Variants in RAPGEF4 observed in about 807,000 individuals in gnomAD.
RAPGEF4 encodes the protein RAP guanine-nucleotide-exchange factor (GEF) 4.
In RAPGEF4, 66 loss-of-function variants were observed where a neutral mutation model predicts 147.9. That is an observed-to-expected ratio of 0.45 (90% CI 0.37 to 0.55). The LOEUF (loss-of-function observed/expected upper bound fraction) is 0.55. Ranked by LOEUF, RAPGEF4 falls within the 20% of genes least tolerant of loss-of-function variation. RAPGEF4 has a pLI of 0.00. For missense variants in RAPGEF4, 1,071 were observed against 1,257.3 expected (o/e 0.85, Z 2.24); for synonymous variants, 419 against 442.7 (o/e 0.95, Z 0.67).
chr2:172,917,415 TAGGCAGC>T, intron 4 of RAPGEF4: 1 of 506,234 alleles, frequency 2.0e-6, no homozygotes, highest in Non-Finnish European at 3.9e-6. Flanking sequence ...ACCTATTAAG[TAGGCAGC>T]ACATTTATTT....
chr2:172,827,780 A>C (rs1361185437), intron 4 of RAPGEF4, among the ~76,000 whole-genome samples: 1 of 152,208 alleles, frequency 6.6e-6, no homozygotes, highest in Non-Finnish European at 1.5e-5. Flanking sequence ...TAGCTCTAAG[A>C]ACAAACCCAG....
chr2:172,762,788 A>G (rs935500190), intron 1 of RAPGEF4, among the ~76,000 whole-genome samples: 9 of 152,176 alleles, frequency 5.9e-5, no homozygotes, highest in Non-Finnish European at 1.3e-4. Flanking sequence ...TTGCATTTAC[A>G]TGGACCTGCT....
At chr2:172,999,827 G>A (rs1693721307) in intron 16 of RAPGEF4, among the ~76,000 whole-genome samples, 1 of 152,176 alleles carries the variant, frequency 6.6e-6, no homozygotes. Context: ...ATACTGAGAA[G>A]CAGAGAAGGT....
intron 21 of RAPGEF4, 119 bp downstream of exon 21, chr2:173,017,623 T>G: frequency 2.1e-6 from 2 of 960,616 alleles, no homozygotes; most frequent in Non-Finnish European, 3.1e-6. Flanking sequence ...GCCCTCCAGA[T>G]GGTTTGCTTG....
intron 4 of RAPGEF4, among the ~76,000 whole-genome samples, chr2:172,870,057 C>T (rs1488561833): frequency 2.0e-5 from 3 of 152,112 alleles, no homozygotes; most frequent in Non-Finnish European, 4.4e-5. Context: ...CCTGAGTCAT[C>T]TCCTCATTCC....
chr2:172,846,521 A>AG (rs566442093), intron 4 of RAPGEF4, among the ~76,000 whole-genome samples: 77 of 152,284 alleles, frequency 5.1e-4, no homozygotes, highest in African/African-American at 1.8e-3. Flanking sequence ...TGTGAAGTCT[A>AG]GGGGGTTGGG....
intron 6 of RAPGEF4, among the ~76,000 whole-genome samples, chr2:172,958,244 G>T (rs7561875): frequency 0.017 from 2,578 of 152,234 alleles, 75 homozygotes; most frequent in African/African-American, 0.057. Context: ...AAGACAAGAA[G>T]AAGAAATGGA....
At chr2:172,936,531 T>C (rs1686590538) in intron 6 of RAPGEF4, among the ~76,000 whole-genome samples, 1 of 152,190 alleles carries the variant, frequency 6.6e-6, no homozygotes, top group South Asian at 2.1e-4. Context: ...TTTTTAAAAT[T>C]AGTTAATATT....
intron 4 of RAPGEF4, among the ~76,000 whole-genome samples, chr2:172,875,437 A>T (rs1695797564): frequency 6.6e-6 from 1 of 152,134 alleles, no homozygotes; most frequent in Non-Finnish European, 1.5e-5. Context: ...AGGTGTAAGG[A>T]AGGGATCCAG....
chr2:172,847,537 C>T (rs543331339), intron 4 of RAPGEF4, among the ~76,000 whole-genome samples: 2 of 152,270 alleles, frequency 1.3e-5, no homozygotes, highest in East Asian at 3.9e-4. Flanking sequence ...CAGGACGCAT[C>T]GTGTGTATTC....
At chr2:172,760,586 C>T (rs896263708) in intron 1 of RAPGEF4, among the ~76,000 whole-genome samples, 3 of 151,896 alleles carry the variant, frequency 2.0e-5, no homozygotes, top group Non-Finnish European at 2.9e-5. Flanking sequence ...GGCATGGTGG[C>T]GGGTGCCTGT....
At chr2:172,805,369 AC>A (rs1687395070) in intron 3 of RAPGEF4, among the ~76,000 whole-genome samples, 1 of 152,134 alleles carries the variant, frequency 6.6e-6, no homozygotes, top group African/African-American at 2.4e-5. Context: ...TGCCCCTATT[AC>A]TTTCAGGAAC....
chr2:172,984,815 C>G (rs986755647), intron 11 of RAPGEF4, among the ~76,000 whole-genome samples: 1 of 152,172 alleles, frequency 6.6e-6, no homozygotes, highest in Admixed American at 6.5e-5. Flanking sequence ...TGGGTAGTCT[C>G]GTCTTCTACC....
chr2:172,890,570 T>C (rs1697784845), intron 4 of RAPGEF4, among the ~76,000 whole-genome samples: 1 of 152,208 alleles, frequency 6.6e-6, no homozygotes, highest in South Asian at 2.1e-4. Flanking sequence ...TTCCTCCTCT[T>C]GGTGCTAATC....
chr2:172,871,651 GT>G (rs1301358787), intron 4 of RAPGEF4, among the ~76,000 whole-genome samples: 2 of 147,756 alleles, frequency 1.4e-5, no homozygotes, highest in Non-Finnish European at 3.0e-5. Flanking sequence ...TGCACTGAAG[GT>G]AATTCTAAAA....
At chr2:172,753,675 A>G (rs568141463) in intron 1 of RAPGEF4, among the ~76,000 whole-genome samples, 16 of 152,286 alleles carry the variant, frequency 1.1e-4, no homozygotes, top group Non-Finnish European at 1.9e-4. Context: ...CAAATTAGTA[A>G]TAAGTGAAAT....
Position 172,766,236 on chromosome 2 carries a change from T to A in RAPGEF4, c.66-28789T>A, listed in dbSNP as rs1272172659. On this transcript the variant is annotated intron_variant, in intron 1 of 30. Transcript: ENST00000397081. ...TACAATAAAGTACACATATCTAGAT[T>A]ATAAAATTATACATTATAAATTATA... Among the ~76,000 whole-genome samples, 3 of 152,132 alleles carry A rather than the reference T, an allele frequency of 2.0e-5. No individual in the cohort carries two copies. In the East Asian group the frequency reaches 5.8e-4, roughly 29 times the overall value.
chr2:172,896,163 C>T (rs999472596), intron 4 of RAPGEF4, among the ~76,000 whole-genome samples: 9 of 152,204 alleles, frequency 5.9e-5, no homozygotes, highest in Admixed American at 2.0e-4. Flanking sequence ...ACGGAAGCTA[C>T]TGAAACCATC....
rs1219887786 is a variant in RAPGEF4 at position 172,871,774 on chromosome 2, T to C, written c.445-46028T>C. 2.0e-5 allele frequency among the ~76,000 whole-genome samples: 3 copies of C among 152,030 alleles called. No homozygotes were observed. The East Asian group carries it at 5.8e-4, about 29-fold the overall frequency. Reference sequence around the variant, plus strand: ...CCTTCAGATTAAAAAAAAAATGCATTGAGAAGCTGCTATTTTCAAGACACT... The same window carrying C: ...CCTTCAGATTAAAAAAAAAATGCATCGAGAAGCTGCTATTTTCAAGACACT... On this transcript the variant is annotated intron_variant, in intron 4 of 30. Coordinates refer to ENST00000397081, the MANE Select transcript of RAPGEF4 (RefSeq NM_007023.4).
Sources: gnomAD v4.1 joint callset for allele counts (sites outside exome capture counted in the v4.1 genomes callset) on GRCh38, gnomAD v4.1.1 for gene constraint, MANE v1.5 for transcripts, NCBI Gene and HGNC (gene_info 2026-07-23, HGNC 2026-07-21) for gene names.